Variants in ITGA9 observed in about 807,000 individuals in gnomAD.
ITGA9 encodes the protein integrin subunit alpha 9.
A neutral mutation model predicts 127.8 loss-of-function variants in ITGA9; 56 were observed. That is an observed-to-expected ratio of 0.44 (90% confidence interval 0.35 to 0.55). The LOEUF is 0.55. Ranked by LOEUF, ITGA9 falls within the 20% of genes least tolerant of loss-of-function variation. The pLI is 0.00. For missense variants in ITGA9, 1,196 were observed against 1,347.1 expected, an observed-to-expected ratio of 0.89 and a Z score of 1.76; for synonymous variants, 508 against 514.5, an observed-to-expected ratio of 0.99 and a Z score of 0.17.
intron 26 of ITGA9, 42 bp downstream of exon 26, chr3:37,785,120 G>A (rs750902678): frequency 2.0e-5 from 27 of 1,369,508 alleles, no homozygotes; most frequent in Non-Finnish European, 2.7e-5. Context: ...AGAGGGCAAG[G>A]GAAGCTGGGT....
At chr3:37,775,751 A>G (rs1171415015) in intron 23 of ITGA9, among the ~76,000 whole-genome samples, 2 of 152,196 alleles carry the variant, frequency 1.3e-5, no homozygotes, top group African/African-American at 2.4e-5. Context: ...GTGCTCAACC[A>G]TTGTGGAAAG....
At chr3:37,765,793 CAG>C (rs1696773234) in intron 23 of ITGA9, among the ~76,000 whole-genome samples, 1 of 152,174 alleles carries the variant, frequency 6.6e-6, no homozygotes, top group South Asian at 2.1e-4. Context: ...CCTGTGTGGC[CAG>C]AGAGAATAAA....
chr3:37,787,084 G>A (rs1189572542), intron 26 of ITGA9, among the ~76,000 whole-genome samples: 2 of 152,156 alleles, frequency 1.3e-5, no homozygotes, highest in Non-Finnish European at 2.9e-5. Context: ...CCATTTAACT[G>A]CTAATTCAGA....
intron 15 of ITGA9, among the ~76,000 whole-genome samples, chr3:37,583,955 A>G (rs1699732633): frequency 6.6e-6 from 1 of 152,102 alleles, no homozygotes; most frequent in African/African-American, 2.4e-5. Flanking sequence ...GTTGGACTTG[A>G]TTCTATCAGT....
At chr3:37,468,489 A>G (rs1698395270) in intron 1 of ITGA9, among the ~76,000 whole-genome samples, 1 of 152,160 alleles carries the variant, frequency 6.6e-6, no homozygotes, top group Non-Finnish European at 1.5e-5. Context: ...GATATCTGCC[A>G]GCCTTTGCTG....
intron 15 of ITGA9, among the ~76,000 whole-genome samples, chr3:37,600,215 C>G (rs1224803202): frequency 6.6e-6 from 1 of 152,138 alleles, no homozygotes; most frequent in Non-Finnish European, 1.5e-5. Flanking sequence ...GTATACGAGA[C>G]TCTGTTCTAG....
In ITGA9 at chr3:37,672,119, A is replaced by G. The variant is rs192279939; in HGVS notation, c.1917-11746A>G. ...CCCAGGGTTCAGCTGGAGCTGGGCC[A>G]GACTACTAGGTTGTGTATTTAGAGA... On this transcript the variant is annotated intron_variant, in intron 17 of 27. Coordinates refer to ENST00000264741, the MANE Select transcript of ITGA9 (RefSeq NM_002207.3). Among the ~76,000 whole-genome samples the G allele has an allele frequency of 1.1e-3, 173 of 152,326 alleles. 1 individual carries two copies. The highest frequency in any genetic ancestry group is 3.5e-3 in the Admixed American group (54 of 15,298).
At chr3:37,719,114 G>A (rs1436080703) in intron 18 of ITGA9, among the ~76,000 whole-genome samples, 1 of 152,210 alleles carries the variant, frequency 6.6e-6, no homozygotes, top group East Asian at 1.9e-4. Flanking sequence ...CATATCAGGG[G>A]AGAGAGGTGT....
chr3:37,681,465 G>A (rs993283031), intron 17 of ITGA9, among the ~76,000 whole-genome samples: 1 of 152,116 alleles, frequency 6.6e-6, no homozygotes, highest in African/African-American at 2.4e-5. Flanking sequence ...TTTCACTTAG[G>A]CAAGTGCCCA....
intron 21 of ITGA9, among the ~76,000 whole-genome samples, chr3:37,742,431 T>G (rs1461391436): frequency 6.6e-6 from 1 of 152,180 alleles, no homozygotes; most frequent in Non-Finnish European, 1.5e-5. Flanking sequence ...CTGGCATTGT[T>G]GGAAAGCAGG....
chr3:37,564,425 G>A (rs1163067771), intron 15 of ITGA9, among the ~76,000 whole-genome samples: 2 of 152,172 alleles, frequency 1.3e-5, no homozygotes, highest in African/African-American at 4.8e-5. Context: ...CATTAGTCCT[G>A]TTGTGACTTA....
chr3:37,773,018 T>G lies in ITGA9; in HGVS notation c.2542-4374T>G, dbSNP rs1216137545. Among the ~76,000 whole-genome samples the G allele has an allele frequency of 5.9e-5, 9 of 152,344 alleles. No individual in the cohort carries two copies. The South Asian group carries it at 8.3e-4, about 14-fold the overall frequency. On this transcript the variant is annotated intron_variant, in intron 23 of 27. Transcript: ENST00000264741. The stretch of plus-strand genomic sequence containing the variant: ...TTGACACTGAGGCTTAGGCTGTTTC[T>G]CACTCGCTTGCCCTGCCTTTCCCAG...
chr3:37,578,332 G>A (rs1208542096), intron 15 of ITGA9, among the ~76,000 whole-genome samples: 1 of 152,204 alleles, frequency 6.6e-6, no homozygotes, highest in Non-Finnish European at 1.5e-5. Flanking sequence ...AGGCCAGTGT[G>A]GGGTAAGGGG....
At chr3:37,581,861 C>T (rs1699712611) in intron 15 of ITGA9, among the ~76,000 whole-genome samples, 1 of 152,170 alleles carries the variant, frequency 6.6e-6, no homozygotes, top group South Asian at 2.1e-4. Flanking sequence ...GGCCAGGACC[C>T]CACTTCCACA....
At chr3:37,787,932 A>G (rs1414583288) in intron 26 of ITGA9, among the ~76,000 whole-genome samples, 1 of 152,250 alleles carries the variant, frequency 6.6e-6, no homozygotes, top group Non-Finnish European at 1.5e-5. Flanking sequence ...CTGATGGAGA[A>G]ATCAAGCAAT....
chr3:37,690,930 C>T (rs1426301670), intron 18 of ITGA9, among the ~76,000 whole-genome samples: 2 of 152,162 alleles, frequency 1.3e-5, no homozygotes, highest in African/African-American at 4.8e-5. Context: ...CCAACTACTA[C>T]AGTGGGCAAT....
At chr3:37,573,986 CT>C (rs1389144558) in intron 15 of ITGA9, among the ~76,000 whole-genome samples, 1 of 152,126 alleles carries the variant, frequency 6.6e-6, no homozygotes, top group Admixed American at 6.5e-5. Flanking sequence ...TATTCTTATC[CT>C]GTTGAAAATT....
At chr3:37,562,947 A>G (rs1479703954) in intron 15 of ITGA9, among the ~76,000 whole-genome samples, 4 of 151,576 alleles carry the variant, frequency 2.6e-5, no homozygotes, top group East Asian at 1.9e-4. Context: ...TGATAAAACC[A>G]TAAAGAACTC....
chr3:37,541,144 T>C (rs2125590478), intron 14 of ITGA9, among the ~76,000 whole-genome samples: 1 of 152,334 alleles, frequency 6.6e-6, no homozygotes, highest in African/African-American at 2.4e-5. Context: ...CCTTCCCTAA[T>C]GCCTGACTTC....
Sources: allele counts gnomAD v4.1 joint callset (sites outside exome capture counted in the v4.1 genomes callset), GRCh38; gene constraint gnomAD v4.1.1; transcripts MANE v1.5; gene names NCBI Gene and HGNC (gene_info 2026-07-23, HGNC 2026-07-21).